Variants in VPS13B observed in about 807,000 individuals in gnomAD.
VPS13B encodes vacuolar protein sorting 13 homolog B, also known as intermembrane lipid transfer protein VPS13B.
A neutral mutation model predicts 426.4 loss-of-function variants in VPS13B; 285 were observed. That is an observed-to-expected ratio of 0.67 (90% CI 0.61 to 0.74). VPS13B has a LOEUF of 0.74. Among genes scored for constraint, VPS13B ranks in the 30% least tolerant of loss-of-function variants. The probability of loss-of-function intolerance (pLI) is 0.00; values close to 1 mark genes in which losing one functional copy is unlikely to be tolerated. For synonymous variants in VPS13B, 1,676 were observed against 1,676.4 expected, an observed-to-expected ratio of 1.00 and a Z score of 0.01; for missense variants, 4,537 against 4,782.6, an observed-to-expected ratio of 0.95 and a Z score of 1.51.
At chr8:99,781,719 A>C (rs1043846394) in intron 42 of VPS13B, among the ~76,000 whole-genome samples, 1 of 152,166 alleles carries the variant, frequency 6.6e-6, no homozygotes, top group Non-Finnish European at 1.5e-5. Flanking sequence ...AGAGATGAAG[A>C]AAGTAATATG....
At chr8:99,730,632 A>G (rs1198405901) in intron 39 of VPS13B, among the ~76,000 whole-genome samples, 1 of 152,014 alleles carries the variant, frequency 6.6e-6, no homozygotes, top group African/African-American at 2.4e-5. Flanking sequence ...AGAGAGAGAC[A>G]CAAAAGTGGA....
At chr8:99,427,633 A>G (rs1464699884) in intron 21 of VPS13B, among the ~76,000 whole-genome samples, 1 of 152,118 alleles carries the variant, frequency 6.6e-6, no homozygotes, top group Non-Finnish European at 1.5e-5. Flanking sequence ...AATGAAATAA[A>G]AGAGGATACA....
rs1208020640 is a variant in VPS13B, at chr8:99,807,994, C to A, written c.7942-1381C>A. On this transcript the variant is annotated intron_variant, in intron 43 of 61. Coordinates refer to ENST00000357162, the MANE Select transcript of VPS13B (RefSeq NM_152564.5). ...TCCTAAGGCTGAAACTAAAAACTAA[C>A]CTGCTTCCACCAAGACATTTAATAT... 4.0e-5 allele frequency among the ~76,000 whole-genome samples: 6 copies of A among 150,974 alleles called. No homozygotes were observed. In the East Asian group the frequency reaches 1.2e-3, roughly 29 times the overall value.
At chr8:99,311,718 A>G (rs1357114193) in intron 19 of VPS13B, among the ~76,000 whole-genome samples, 1 of 152,088 alleles carries the variant, frequency 6.6e-6, no homozygotes, top group East Asian at 1.9e-4. Context: ...CTGGTCCTGG[A>G]TATCCTTGTT....
chr8:99,056,128 C>T (rs550013154), intron 3 of VPS13B, among the ~76,000 whole-genome samples: 1 of 151,968 alleles, frequency 6.6e-6, no homozygotes, highest in South Asian at 2.1e-4. Context: ...GTGATCTCAG[C>T]TCACTGGAAC....
chr8:99,233,497 T>C lies in VPS13B; in HGVS notation c.2515+40440T>C, dbSNP rs1816465426. On this transcript the variant is annotated intron_variant, in intron 17 of 61. Transcript: ENST00000357162. ...GATGAAGAGATTCACAATCTCCTGC[T>C]CTTGATAAGAATGCTGATGCGGGAA... is the stretch of plus-strand genomic sequence containing the variant. 5.4e-6 allele frequency: 7 copies of C among 1,297,898 alleles called. No individual in the cohort carries two copies. In the South Asian group the frequency reaches 8.3e-5, roughly 15 times the overall value. 80.4% of individuals were successfully genotyped at this position (1,297,898 alleles called of 1,614,324 possible).
chr8:99,365,610 G>A (rs747216388), intron 19 of VPS13B, among the ~76,000 whole-genome samples: 7 of 143,742 alleles, frequency 4.9e-5, no homozygotes, highest in East Asian at 2.1e-4. Flanking sequence ...ACTGCCTCCC[G>A]GGTTCAAGCG....
intron 31 of VPS13B, among the ~76,000 whole-genome samples, chr8:99,560,581 C>G (rs1281050864): frequency 6.6e-6 from 1 of 152,128 alleles, no homozygotes; most frequent in Non-Finnish European, 1.5e-5. Context: ...ATTGAATGTG[C>G]CCCTGAGAAG....
chr8:99,539,918 C>T (rs1202133165), intron 30 of VPS13B, among the ~76,000 whole-genome samples: 3 of 141,676 alleles, frequency 2.1e-5, no homozygotes, highest in Non-Finnish European at 4.5e-5. Flanking sequence ...TATATATATA[C>T]ACACATATTT....
At chr8:99,077,357 A>G (rs1845187894) in intron 3 of VPS13B, among the ~76,000 whole-genome samples, 1 of 151,918 alleles carries the variant, frequency 6.6e-6, no homozygotes, top group Non-Finnish European at 1.5e-5. Flanking sequence ...TTTAGTAGAG[A>G]CAGGTTTTCT....
chr8:99,810,544 T>C (rs1813644370), intron 44 of VPS13B, among the ~76,000 whole-genome samples: 1 of 152,176 alleles, frequency 6.6e-6, no homozygotes, highest in Admixed American at 6.5e-5. Flanking sequence ...GATCTTATTA[T>C]TGTGGGCCAC....
intron 56 of VPS13B, among the ~76,000 whole-genome samples, chr8:99,858,545 C>T (rs1002760795): frequency 9.2e-5 from 14 of 152,122 alleles, no homozygotes; most frequent in East Asian, 1.9e-4. Flanking sequence ...ATCAGCCAGG[C>T]GTGGTGGCAT....
At chr8:99,257,119 A>G (rs1453449284) in intron 17 of VPS13B, among the ~76,000 whole-genome samples, 1 of 152,230 alleles carries the variant, frequency 6.6e-6, no homozygotes, top group African/African-American at 2.4e-5. Context: ...AGGTGCAGAC[A>G]AAACTTGCAT....
intron 51 of VPS13B, among the ~76,000 whole-genome samples, chr8:99,828,916 A>G (rs979098433): frequency 6.6e-6 from 1 of 152,144 alleles, no homozygotes; most frequent in East Asian, 1.9e-4. Context: ...AGAATGTTGA[A>G]TATTGGCCCC....
intron 22 of VPS13B, among the ~76,000 whole-genome samples, chr8:99,433,853 C>T (rs1817239538): frequency 6.6e-6 from 1 of 152,120 alleles, no homozygotes; most frequent in Non-Finnish European, 1.5e-5. Flanking sequence ...GTCGCCCAGG[C>T]TGGAGTGCAG....
intron 35 of VPS13B, among the ~76,000 whole-genome samples, chr8:99,682,606 G>A (rs1200197027): frequency 6.6e-6 from 1 of 152,034 alleles, no homozygotes; most frequent in Non-Finnish European, 1.5e-5. Context: ...AAGAGACTCA[G>A]TACAGAGTTT....
intron 12 of VPS13B, among the ~76,000 whole-genome samples, chr8:99,140,368 CAAAA>C (rs5893482): frequency 2.7e-5 from 2 of 74,672 alleles, no homozygotes; most frequent in East Asian, 2.8e-4. Flanking sequence ...AGCTCTGTCT[CAAAA>C]AAAAAAAAAA....
intron 51 of VPS13B, 25 bp downstream of exon 51, chr8:99,824,003 T>C: frequency 1.2e-6 from 2 of 1,608,560 alleles, no homozygotes; most frequent in Non-Finnish European, 1.7e-6. Flanking sequence ...ACGATTCTTT[T>C]GTCTAAGTTT....
At position 99,805,080 on chromosome 8, in the gene VPS13B, A is replaced by G. The variant is rs556180468; in HGVS notation, c.7942-4295A>G. Among the ~76,000 whole-genome samples, 96 of 150,720 alleles carry G rather than the reference A, an allele frequency of 6.4e-4. 2 individuals are homozygous for G. Among genetic ancestry groups the G allele is most frequent in the African/African-American group, 2.3e-3 (94 of 41,284 alleles). On this transcript the variant is annotated intron_variant, in intron 43 of 61. Transcript: ENST00000357162. ...ATATATTACCAGAATATATATATAT[A>G]TATACAGTAGTTTATTTCACTTGGA...
Sources: allele counts gnomAD v4.1 joint callset (sites outside exome capture counted in the v4.1 genomes callset), GRCh38; gene constraint gnomAD v4.1.1; transcripts MANE v1.5; gene names NCBI Gene and HGNC (gene_info 2026-07-23, HGNC 2026-07-21).